AUTS2: variants seen among roughly 807,000 people sequenced by gnomAD.
AUTS2 encodes activator of transcription and developmental regulator AUTS2, also known as autism susceptibility gene 2 protein.
Under a neutral mutation model 112.4 loss-of-function variants are expected in AUTS2, and 17 were observed. The ratio of observed to expected loss-of-function variants is 0.15; its 90% CI spans 0.10 to 0.23. The LOEUF is 0.23. AUTS2 is among the 10% of genes least tolerant of loss of function. The pLI, the probability that AUTS2 is intolerant of heterozygous loss-of-function variation, is 1.00. For synonymous variants in AUTS2, 751 were observed against 702.7 expected (o/e 1.07, Z -1.09); for missense variants, 1,510 against 1,701.6 (o/e 0.89, Z 1.98).
intron 5 of AUTS2, among the ~76,000 whole-genome samples, chr7:70,465,315 A>G (rs1355060497): frequency 6.6e-6 from 1 of 152,156 alleles, no homozygotes. Flanking sequence ...GGCTGCTCAC[A>G]ACTGCCTGAA....
chr7:70,657,740 T>C (rs1321607620), intron 5 of AUTS2, among the ~76,000 whole-genome samples: 1 of 152,184 alleles, frequency 6.6e-6, no homozygotes, highest in East Asian at 1.9e-4. Context: ...ATCCCTGTCA[T>C]GGCATGGGAT....
At chr7:69,626,467 G>T (rs1240464312) in intron 1 of AUTS2, among the ~76,000 whole-genome samples, 1 of 152,116 alleles carries the variant, frequency 6.6e-6, no homozygotes, top group Non-Finnish European at 1.5e-5. Context: ...TGTGTGCTGA[G>T]GGCTTGGGAT....
At chr7:69,915,010 G>A (rs1795517275) in intron 2 of AUTS2, among the ~76,000 whole-genome samples, 1 of 152,138 alleles carries the variant, frequency 6.6e-6, no homozygotes, top group South Asian at 2.1e-4. Flanking sequence ...TGACATAACA[G>A]GGAGGATATG....
chr7:69,599,590 T>A lies in AUTS2; in HGVS notation c.-64T>A. 2 of 1,241,244 alleles carry A rather than the reference T, an allele frequency of 1.6e-6. No individual in the cohort carries two copies. The highest frequency in any genetic ancestry group is 7.5e-5 in the South Asian group (2 of 26,554). The allele number at this position is 1,241,244 out of a possible 1,614,324, so 76.9% of individuals were successfully genotyped here. A position where few individuals can be genotyped will look rare whatever the true frequency, so the allele number is the denominator to read the frequency against. On this transcript the variant is annotated 5_prime_UTR_variant, in exon 1 of 19. Transcript: ENST00000342771. The surrounding 1 kb of genome is among the most constrained non-coding windows in gnomAD (Gnocchi z 7.0). Reference sequence around the variant, plus strand: ...GGAGGGAGGGCTCGGTGTCAATTTTTTTTTGTGTGGCTGCGGCCGTAGCCT... The same window carrying A: ...GGAGGGAGGGCTCGGTGTCAATTTTATTTTGTGTGGCTGCGGCCGTAGCCT...
chr7:70,279,491 C>T (rs752025291), intron 4 of AUTS2, among the ~76,000 whole-genome samples: 1 of 152,148 alleles, frequency 6.6e-6, no homozygotes, highest in Non-Finnish European at 1.5e-5. Flanking sequence ...GATAGATGTT[C>T]GGCTCAAGGG....
At chr7:69,963,900 G>A (rs1277918683) in intron 2 of AUTS2, among the ~76,000 whole-genome samples, 1 of 151,942 alleles carries the variant, frequency 6.6e-6, no homozygotes, top group East Asian at 1.9e-4. Flanking sequence ...TGCTGCCACT[G>A]GTTCATTTCC....
Position 70,682,693 on chromosome 7 carries a change from A to G in AUTS2, c.691-15876A>G, listed in dbSNP as rs995613146. ...TATTATTGCTTTGTAACAAACCACG[A>G]ATTTGGAGCCTGGAAATACAATGCT... On this transcript the variant is annotated intron_variant, in intron 5 of 18. Coordinates refer to ENST00000342771, the MANE Select transcript of AUTS2 (RefSeq NM_015570.4). 2.1e-4 allele frequency among the ~76,000 whole-genome samples: 32 copies of G among 152,224 alleles called. 1 individual carries two copies. The highest frequency in any genetic ancestry group is 8.8e-5 in the Non-Finnish European group (6 of 68,046).
At chr7:70,567,150 G>C (rs939638347) in intron 5 of AUTS2, among the ~76,000 whole-genome samples, 1 of 152,218 alleles carries the variant, frequency 6.6e-6, no homozygotes, top group Non-Finnish European at 1.5e-5. Flanking sequence ...CAAAATATCA[G>C]TGTGTTCATG....
chr7:70,024,708 C>A (rs537656504), intron 2 of AUTS2, among the ~76,000 whole-genome samples: 5 of 151,898 alleles, frequency 3.3e-5, no homozygotes, highest in African/African-American at 1.2e-4. Flanking sequence ...GGGGGGCTGG[C>A]GAGTCTGAAA....
At chr7:69,968,431 CT>C (rs1459403733) in intron 2 of AUTS2, among the ~76,000 whole-genome samples, 1 of 152,154 alleles carries the variant, frequency 6.6e-6, no homozygotes, top group Admixed American at 6.5e-5. Context: ...GAAAAGTGTA[CT>C]TTCTAATACA....
At chr7:70,617,978 C>A (rs1804468355) in intron 5 of AUTS2, among the ~76,000 whole-genome samples, 1 of 152,318 alleles carries the variant, frequency 6.6e-6, no homozygotes, top group South Asian at 2.1e-4. Context: ...AATGTATTCC[C>A]TTTAACAACT....
intron 1 of AUTS2, among the ~76,000 whole-genome samples, chr7:69,689,680 A>G (rs1234737570): frequency 3.0e-5 from 2 of 66,652 alleles, no homozygotes; most frequent in African/African-American, 8.9e-5. Flanking sequence ...TTATTTATTT[A>G]TTTATTTATT....
chr7:69,810,431 A>G (rs1020696932), intron 1 of AUTS2, among the ~76,000 whole-genome samples: 1 of 152,000 alleles, frequency 6.6e-6, no homozygotes, highest in Non-Finnish European at 1.5e-5. Flanking sequence ...TGCTATTGCT[A>G]TATTGATGTA....
chr7:69,981,960 T>C (rs1459757711), intron 2 of AUTS2, among the ~76,000 whole-genome samples: 2 of 152,204 alleles, frequency 1.3e-5, no homozygotes, highest in Non-Finnish European at 2.9e-5. Flanking sequence ...TCATGAGTTT[T>C]TGTCTGTTTT....
chr7:70,726,045 G>A (rs2129551985), intron 6 of AUTS2, among the ~76,000 whole-genome samples: 1 of 151,852 alleles, frequency 6.6e-6, no homozygotes, highest in African/African-American at 2.4e-5. Context: ...AAGGACCTGG[G>A]AGAAGGGAAG....
At chr7:70,086,602 C>G (rs1264806455) in intron 2 of AUTS2, among the ~76,000 whole-genome samples, 1 of 141,050 alleles carries the variant, frequency 7.1e-6, no homozygotes, top group East Asian at 2.1e-4. Flanking sequence ...GATCGCGCCA[C>G]TGGACTCCAG....
At chr7:70,478,962 T>C (rs914261401) in intron 5 of AUTS2, among the ~76,000 whole-genome samples, 2 of 152,158 alleles carry the variant, frequency 1.3e-5, no homozygotes, top group Non-Finnish European at 2.9e-5. Context: ...GCACTTGGCA[T>C]AATATAAATA....
chr7:70,620,275 G>A (rs1182440598), intron 5 of AUTS2, among the ~76,000 whole-genome samples: 1 of 152,180 alleles, frequency 6.6e-6, no homozygotes, highest in East Asian at 1.9e-4. Context: ...AGAGTCAGTC[G>A]AAATGAAGCT....
intron 1 of AUTS2, among the ~76,000 whole-genome samples, chr7:69,729,418 C>CG (rs1562842387): frequency 2.6e-5 from 2 of 76,744 alleles, no homozygotes; most frequent in African/African-American, 6.0e-5. Flanking sequence ...TGTCCCCCAA[C>CG]ACCCCCCCCC....
Sources: gnomAD v4.1 joint callset for allele counts (sites outside exome capture counted in the v4.1 genomes callset) on GRCh38, gnomAD v4.1.1 for gene constraint, Gnocchi (gnomAD v3.1) non-coding constraint, MANE v1.5 for transcripts, NCBI Gene and HGNC (gene_info 2026-07-23, HGNC 2026-07-21) for gene names.